SLC25A40: variants seen among roughly 807,000 people sequenced by gnomAD.
SLC25A40 encodes the protein solute carrier family 25 member 40, also known as mitochondrial glutathione transporter SLC25A40.
Under a neutral mutation model 46.5 loss-of-function variants are expected in SLC25A40, and 41 were observed. That is an observed-to-expected ratio of 0.88 (90% CI 0.69 to 1.14). SLC25A40 has a LOEUF of 1.14. Ranked by LOEUF, SLC25A40 falls within the 50% of genes most tolerant of loss-of-function variation. SLC25A40 has a pLI of 0.00. For synonymous variants in SLC25A40, 126 were observed against 127.5 expected, an observed-to-expected ratio of 0.99 and a Z score of 0.08; for missense variants, 386 against 393.6, an observed-to-expected ratio of 0.98 and a Z score of 0.16.
At position 87,854,186 on chromosome 7, in the gene SLC25A40, G is replaced by T; in HGVS notation, c.264+18C>A. ...AATAGAAAATATACTGTGATTCTAA[G>T]GAATATAATCACCTTACCAATGTTC... is the stretch of plus-strand genomic sequence containing the variant. On this transcript the variant is annotated intron_variant, in intron 5 of 11. Transcript: ENST00000341119. 1 of 1,432,824 alleles carries T rather than the reference G, an allele frequency of 7.0e-7. No individual in the cohort carries two copies. Among genetic ancestry groups the T allele is most frequent in the African/African-American group, 1.4e-5 (1 of 71,138 alleles). 88.8% of individuals were successfully genotyped at this position (1,432,824 alleles called of 1,614,324 possible).
chr7:87,854,809 C>CAAAAAAA (rs1193322764), intron 4 of SLC25A40, among the ~76,000 whole-genome samples: 1 of 53,576 alleles, frequency 1.9e-5, no homozygotes, highest in Admixed American at 2.1e-4. Flanking sequence ...AAGACTGTCT[C>CAAAAAAA]AAAAAAAAAA....
At chr7:87,868,258 C>T (rs1025855268) in intron 1 of SLC25A40, among the ~76,000 whole-genome samples, 9 of 152,154 alleles carry the variant, frequency 5.9e-5, no homozygotes, top group Non-Finnish European at 8.8e-5. Context: ...CCAGAAGACT[C>T]GGAGGAAAAG....
intron 10 of SLC25A40, among the ~76,000 whole-genome samples, chr7:87,839,791 C>A (rs939915723): frequency 2.6e-5 from 4 of 151,722 alleles, no homozygotes; most frequent in Non-Finnish European, 5.9e-5. Context: ...GAATGAAGAA[C>A]AGAAGAAGTG....
chr7:87,867,703 TG>T (rs1838826003), intron 1 of SLC25A40, among the ~76,000 whole-genome samples: 1 of 152,218 alleles, frequency 6.6e-6, no homozygotes. Flanking sequence ...CTTTTTGGTC[TG>T]GATTGTTTTG....
chr7:87,851,751 C>T (rs143222849), intron 5 of SLC25A40, among the ~76,000 whole-genome samples: 2,000 of 152,276 alleles, frequency 0.013, 23 homozygotes, highest in Non-Finnish European at 0.019. Context: ...GGACTTCTAA[C>T]GCTACCCGGC....
rs537192304 is a variant in SLC25A40, at chr7:87,838,903, G to T, written c.824-2093C>A. 1.6e-4 allele frequency among the ~76,000 whole-genome samples: 24 copies of T among 151,642 alleles called. No homozygotes were observed. The South Asian group carries it at 2.7e-3, about 17-fold the overall frequency. ...TTTTATTCATTTTAATTGCTGCATG[G>T]TATTGCATTATATGGATTATAATGA... On this transcript the variant is annotated intron_variant, in intron 10 of 11. Transcript: ENST00000341119.
chr7:87,843,998 C>A (rs1409736084), intron 8 of SLC25A40, 135 bp from the exon 9 acceptor site: 2 of 1,318,812 alleles, frequency 1.5e-6, no homozygotes, highest in Non-Finnish European at 1.9e-6. Context: ...CTTAGACACC[C>A]ACTAGGGTGG....
intron 7 of SLC25A40, 29 bp downstream of exon 7, chr7:87,847,824 C>A: frequency 6.3e-7 from 1 of 1,583,806 alleles, no homozygotes; most frequent in South Asian, 1.2e-5. Context: ...AAACAGAAAT[C>A]AAAATGAAAA....
chr7:87,837,241 A>C (rs1281742686), intron 10 of SLC25A40: 1 of 150,898 alleles, frequency 6.6e-6, no homozygotes, highest in East Asian at 1.9e-4. Context: ...TGAACTCTTA[A>C]GTGAGACCCC....
At chr7:87,869,692 T>C (rs1337992341) in intron 1 of SLC25A40, among the ~76,000 whole-genome samples, 1 of 152,224 alleles carries the variant, frequency 6.6e-6, no homozygotes, top group East Asian at 1.9e-4. Context: ...CTGAATACTA[T>C]TCCATTACAT....
chr7:87,856,239 C>T lies in SLC25A40; in HGVS notation c.157+53G>A, dbSNP rs538668954. On this transcript the variant is annotated intron_variant, in intron 4 of 11. Transcript: ENST00000341119. ...GAATGTTAGGCAAAAAAAAAAACCA[C>T]AGGAACATTTAAAAATCAAACATAA... 14 of 1,375,320 alleles carry T rather than the reference C, an allele frequency of 1.0e-5. 1 individual carries two copies. The African/African-American group carries it at 1.9e-4, about 19-fold the overall frequency. The allele number at this position is 1,375,320 out of a possible 1,614,324, so 85.2% of individuals were successfully genotyped here. A position where few individuals can be genotyped will look rare whatever the true frequency, so the allele number is the denominator to read the frequency against.
chr7:87,839,965 G>T (rs998987657), intron 10 of SLC25A40, among the ~76,000 whole-genome samples: 1 of 151,638 alleles, frequency 6.6e-6, no homozygotes, highest in Non-Finnish European at 1.5e-5. Context: ...GTTACTTCTT[G>T]GATAAATAAT....
chr7:87,855,598 A>C (rs1026701422), intron 4 of SLC25A40, among the ~76,000 whole-genome samples: 2 of 152,136 alleles, frequency 1.3e-5, no homozygotes, highest in African/African-American at 4.8e-5. Flanking sequence ...GGCTTTCTTT[A>C]ATGTATAGGA....
chr7:87,837,472 C>G (rs771544321), intron 10 of SLC25A40, among the ~76,000 whole-genome samples: 1 of 151,066 alleles, frequency 6.6e-6, no homozygotes, highest in Non-Finnish European at 1.5e-5. Context: ...TAGACCAGTG[C>G]TGTCTCCTTC....
chr7:87,876,009 C>T (rs1377754343), intron 1 of SLC25A40, 87 bp downstream of exon 1: 1 of 152,286 alleles, frequency 6.6e-6, no homozygotes. Context: ...GCCCCGGCCC[C>T]GGGCCCGGCC....
In SLC25A40 at chr7:87,858,616, G is replaced by A; in HGVS notation, c.97+15C>T. The A allele has an allele frequency of 7.2e-7, 1 of 1,383,098 alleles. No individual in the cohort carries two copies. Among genetic ancestry groups the A allele is most frequent in the Non-Finnish European group, 1.0e-6 (1 of 969,872 alleles). 85.7% of individuals were successfully genotyped at this position (1,383,098 alleles called of 1,614,324 possible). On this transcript the variant is annotated intron_variant, in intron 3 of 11. Transcript: ENST00000341119. Reference sequence around the variant, plus strand: ...ATTCAAAGTTACATAATCTACATCAGTAACATAATTTTACCTATTACTGAT... The same window carrying A: ...ATTCAAAGTTACATAATCTACATCAATAACATAATTTTACCTATTACTGAT...
intron 5 of SLC25A40, among the ~76,000 whole-genome samples, chr7:87,852,775 A>C: frequency 6.6e-6 from 1 of 152,156 alleles, no homozygotes; most frequent in East Asian, 1.9e-4. Context: ...CAATGGAGGA[A>C]ATTACAGCCA....
At chr7:87,839,735 C>A (rs1273812402) in intron 10 of SLC25A40, among the ~76,000 whole-genome samples, 1 of 151,674 alleles carries the variant, frequency 6.6e-6, no homozygotes, top group Non-Finnish European at 1.5e-5. Context: ...TCTGTATATA[C>A]CAGCATGGTG....
intron 1 of SLC25A40, among the ~76,000 whole-genome samples, chr7:87,870,141 G>C (rs2131024254): frequency 6.6e-6 from 1 of 150,994 alleles, no homozygotes; most frequent in African/African-American, 2.4e-5. Context: ...TTTTTAAATT[G>C]GGTCATCTTC....
Sources: allele counts gnomAD v4.1 joint callset (sites outside exome capture counted in the v4.1 genomes callset), GRCh38; gene constraint gnomAD v4.1.1; transcripts MANE v1.5; gene names NCBI Gene and HGNC (gene_info 2026-07-23, HGNC 2026-07-21).